Variants in REDIC1 observed in about 807,000 individuals in gnomAD.
REDIC1 encodes the protein HEI10 Interacting Protein 1.
chr12:39,744,588 G>T, the REDIC1 span, among the ~76,000 whole-genome samples: 3 of 152,086 alleles, frequency 2.0e-5, no homozygotes, highest in Admixed American at 1.3e-4. Context: ...TACCCACAAA[G>T]GGCTATAGTG....
the REDIC1 span, among the ~76,000 whole-genome samples, chr12:39,836,453 A>G: frequency 1.3e-5 from 2 of 151,804 alleles, no homozygotes; most frequent in Non-Finnish European, 2.9e-5. Flanking sequence ...CTCTCTCACC[A>G]CTCCTATTCA....
the REDIC1 span, among the ~76,000 whole-genome samples, chr12:39,747,984 T>A: frequency 6.6e-6 from 1 of 152,196 alleles, no homozygotes; most frequent in African/African-American, 2.4e-5. Context: ...TGCCAAATTG[T>A]AAAGACCATT....
At chr12:39,643,064 G>A in the REDIC1 span, among the ~76,000 whole-genome samples, 30 of 151,748 alleles carry the variant, frequency 2.0e-4, no homozygotes, top group Middle Eastern at 3.4e-3. Flanking sequence ...TATATTATGA[G>A]TTATTTAATG....
At chr12:39,830,114 T>C in the REDIC1 span, 1 of 1,613,708 alleles carries the variant, frequency 6.2e-7, no homozygotes, top group East Asian at 2.2e-5. Flanking sequence ...TGCCCCAGGC[T>C]GCCTCATTTG....
the REDIC1 span, among the ~76,000 whole-genome samples, chr12:39,653,882 TG>T: frequency 6.6e-6 from 1 of 152,094 alleles, no homozygotes; most frequent in Non-Finnish European, 1.5e-5. Flanking sequence ...TCATGAATTT[TG>T]TCAAGTGCTC....
chr12:39,907,045 C>T, the REDIC1 span, among the ~76,000 whole-genome samples: 144 of 152,118 alleles, frequency 9.5e-4, no homozygotes, highest in African/African-American at 3.4e-3. Context: ...CAAATTAACC[C>T]ATAAATCAAT....
the REDIC1 span, among the ~76,000 whole-genome samples, chr12:39,811,079 AT>A: frequency 6.6e-6 from 1 of 151,988 alleles, no homozygotes; most frequent in Non-Finnish European, 1.5e-5. Flanking sequence ...TACAAATTTG[AT>A]TTTTTAAATA....
chr12:39,637,373 G>A, the REDIC1 span, among the ~76,000 whole-genome samples: 18 of 151,998 alleles, frequency 1.2e-4, no homozygotes, highest in African/African-American at 2.9e-4. Context: ...CCAGAATAAC[G>A]TAGTAATTAC....
the REDIC1 span, among the ~76,000 whole-genome samples, chr12:39,652,838 A>T: frequency 6.6e-6 from 1 of 152,136 alleles, no homozygotes; most frequent in Non-Finnish European, 1.5e-5. Context: ...TTTGTCAGAA[A>T]TCAATTGACT....
chr12:39,862,413 T>C, the REDIC1 span, among the ~76,000 whole-genome samples: 3 of 152,198 alleles, frequency 2.0e-5, no homozygotes, highest in Admixed American at 1.3e-4. Context: ...TTTCTACAAG[T>C]GGACGTGCTG....
At chr12:39,876,885 T>C in the REDIC1 span, among the ~76,000 whole-genome samples, 1 of 152,298 alleles carries the variant, frequency 6.6e-6, no homozygotes, top group East Asian at 1.9e-4. Flanking sequence ...CATATTCATA[T>C]TGTGATATAG....
At chr12:39,860,795 A>G in the REDIC1 span, among the ~76,000 whole-genome samples, 1 of 152,106 alleles carries the variant, frequency 6.6e-6, no homozygotes, top group Non-Finnish European at 1.5e-5. Context: ...TCACCACCAT[A>G]ATCCAGGCAA....
the REDIC1 span, among the ~76,000 whole-genome samples, chr12:39,711,497 G>T: frequency 0.064 from 9,020 of 139,866 alleles, 396 homozygotes; most frequent in South Asian, 0.11. Context: ...ATGTATATAA[G>T]TATGTATATA....
chr12:39,698,631 A>G, the REDIC1 span, among the ~76,000 whole-genome samples: 2 of 152,256 alleles, frequency 1.3e-5, no homozygotes, highest in African/African-American at 2.4e-5. Context: ...AAAAATTGAA[A>G]TGATATCAAA....
At chr12:39,720,755 G>T in the REDIC1 span, 3 of 1,494,810 alleles carry the variant, frequency 2.0e-6, no homozygotes, top group Non-Finnish European at 2.8e-6. Flanking sequence ...ATGTAAGCAT[G>T]GTTTAGAGCA....
chr12:39,696,507 C>T, the REDIC1 span, among the ~76,000 whole-genome samples: 3 of 122,190 alleles, frequency 2.5e-5, no homozygotes, highest in African/African-American at 9.2e-5. Context: ...CCCGCCACTG[C>T]ACTCCAGCCT....
the REDIC1 span, among the ~76,000 whole-genome samples, chr12:39,740,572 G>A: frequency 2.6e-5 from 4 of 151,878 alleles, no homozygotes; most frequent in African/African-American, 9.7e-5. Context: ...GTTTTATTCA[G>A]TTGCATCTTG....
At chr12:39,720,862 A>G in the REDIC1 span, 1 of 1,613,240 alleles carries the variant, frequency 6.2e-7, no homozygotes, top group South Asian at 1.1e-5. Flanking sequence ...CAAGGAAAAA[A>G]TGAATAATTT....
chr12:39,824,424 C>A, the REDIC1 span, among the ~76,000 whole-genome samples: 1 of 152,202 alleles, frequency 6.6e-6, no homozygotes, highest in Admixed American at 6.5e-5. Flanking sequence ...ACCACCCATC[C>A]AAGAGGGTCT....
Sources: gnomAD v4.1 joint callset for allele counts (sites outside exome capture counted in the v4.1 genomes callset) on GRCh38, gnomAD v4.1.1 for gene constraint, MANE v1.5 for transcripts, NCBI Gene and HGNC (gene_info 2026-07-23, HGNC 2026-07-21) for gene names.